Variants in KMT2C observed in about 807,000 individuals in gnomAD.
KMT2C encodes lysine methyltransferase 2C.
KMT2C carries 88 observed loss-of-function variants against 507.9 expected under a neutral mutation model. The ratio of observed to expected loss-of-function variants is 0.17; its 90% confidence interval spans 0.15 to 0.21. KMT2C has a LOEUF of 0.21. Among genes scored for constraint, KMT2C ranks in the 10% least tolerant of loss-of-function variants. The pLI is 1.00. For missense variants in KMT2C, 4,954 were observed against 5,957.8 expected (o/e 0.83, Z 5.55); for synonymous variants, 2,049 against 2,080.8 (o/e 0.98, Z 0.42).
intron 2 of KMT2C, among the ~76,000 whole-genome samples, chr7:152,352,175 G>GA (rs1226684469): frequency 4.0e-4 from 59 of 147,926 alleles, no homozygotes; most frequent in Admixed American, 9.4e-4. Flanking sequence ...TTTTATGGTC[G>GA]AGCTGTAGGG....
rs1588561522 is a variant in KMT2C, at chr7:152,247,770, A to T, written c.2532+132T>A. 3.9e-6 allele frequency: 3 copies of T among 761,704 alleles called. No homozygotes were observed. The East Asian group carries it at 7.8e-5, about 20-fold the overall frequency. The allele number at this position is 761,704 out of a possible 1,614,324, so 47.2% of individuals were successfully genotyped here. On this transcript the variant is annotated intron_variant, in intron 14 of 58. Transcript: ENST00000262189. ...TTAAAAAATAATGGCTGAAACACAT[A>T]ATCAACATTACACTGAAGTTCTATC...
chr7:152,141,101 A>ATGG (rs1029925680), intron 55 of KMT2C, among the ~76,000 whole-genome samples: 3 of 148,028 alleles, frequency 2.0e-5, no homozygotes, highest in South Asian at 2.1e-4. Flanking sequence ...TTAGCTGGGC[A>ATGG]TGGTGGCGTG....
intron 31 of KMT2C, among the ~76,000 whole-genome samples, chr7:152,190,500 A>C (rs2093760196): frequency 6.6e-6 from 1 of 152,202 alleles, no homozygotes; most frequent in Non-Finnish European, 1.5e-5. Context: ...AGCTCCATTT[A>C]AGCAAAGAGG....
intron 3 of KMT2C, among the ~76,000 whole-genome samples, chr7:152,317,096 C>A (rs1335750051): frequency 6.6e-6 from 1 of 152,066 alleles, no homozygotes; most frequent in Non-Finnish European, 1.5e-5. Flanking sequence ...TATTTTAAAG[C>A]TATTGCAGAA....
chr7:152,371,197 CA>C (rs1216366057), intron 1 of KMT2C, among the ~76,000 whole-genome samples: 2 of 152,080 alleles, frequency 1.3e-5, no homozygotes, highest in Non-Finnish European at 2.9e-5. Context: ...ATACATACAA[CA>C]ATTTGGTAAT....
chr7:152,142,861 C>T (rs1481189400), intron 55 of KMT2C, among the ~76,000 whole-genome samples: 1 of 152,078 alleles, frequency 6.6e-6, no homozygotes, highest in Non-Finnish European at 1.5e-5. Context: ...TATATATGTA[C>T]ATAAAAGTGT....
chr7:152,139,095 G>GT, intron 57 of KMT2C, 91 bp downstream of exon 57: 1 of 1,268,564 alleles, frequency 7.9e-7, no homozygotes, highest in Non-Finnish European at 1.1e-6. Flanking sequence ...CCAGGCTGCC[G>GT]TGAGAGCCTT....
rs1244879764 is a variant in KMT2C at position 152,251,837 on chromosome 7, A to C, written c.1621+102T>G. The C allele has an allele frequency of 1.2e-5, 8 of 694,810 alleles. No individual in the cohort carries two copies. The East Asian group carries it at 2.1e-4, about 18-fold the overall frequency. 43.0% of individuals were successfully genotyped at this position (694,810 alleles called of 1,614,324 possible). On this transcript the variant is annotated intron_variant, in intron 11 of 58. Transcript: ENST00000262189. ...AAACTGAGAACAAGATGGAATCTGG[A>C]ATACAGGATCCTCTCTTCCTGATTA...
At chr7:152,435,555 G>C (rs986372884) in intron 1 of KMT2C, 71 bp downstream of exon 1, 1 of 982,274 alleles carries the variant, frequency 1.0e-6, no homozygotes, top group Non-Finnish European at 1.3e-6. Flanking sequence ...GCCGCGGGGC[G>C]GGCGCCCGGT....
rs1430490804 is a variant in KMT2C, at chr7:152,136,819, C to G, written c.*13G>C. The G allele has an allele frequency of 1.3e-6, 2 of 1,599,012 alleles. No individual in the cohort carries two copies. Among genetic ancestry groups the G allele is most frequent in the Non-Finnish European group, 1.7e-6 (2 of 1,166,712 alleles). ...AGGGACAAGCCGCCCGCTGAGCTAG[C>G]AAGGAATGCATTTCAGTTCATCCAC... On this transcript the variant is annotated 3_prime_UTR_variant, in exon 59 of 59. Transcript: ENST00000262189.
intron 3 of KMT2C, among the ~76,000 whole-genome samples, chr7:152,318,010 C>T (rs964455609): frequency 7.2e-5 from 11 of 151,828 alleles, no homozygotes; most frequent in Admixed American, 2.6e-4. Flanking sequence ...TGGTGGCAGG[C>T]GCCCGTAATC....
At chr7:152,289,622 T>C (rs2096372255) in intron 6 of KMT2C, among the ~76,000 whole-genome samples, 1 of 152,200 alleles carries the variant, frequency 6.6e-6, no homozygotes. Flanking sequence ...GCCTGTCACT[T>C]CAAGGAAAAC....
intron 1 of KMT2C, 58 bp from the exon 2 acceptor site, chr7:152,358,733 T>G: frequency 1.8e-6 from 2 of 1,109,490 alleles, no homozygotes; most frequent in Non-Finnish European, 2.7e-6. Flanking sequence ...TTTTAAGGCT[T>G]AGACTTATAT....
At chr7:152,154,929 C>T (rs1563169343) in intron 46 of KMT2C, 2 of 152,852 alleles carry the variant, frequency 1.3e-5, no homozygotes, top group Non-Finnish European at 2.9e-5. Flanking sequence ...AAACAGCTGT[C>T]CTACTGCTGC....
Position 152,180,802 on chromosome 7 carries a change from G to A in KMT2C, c.7058C>T (p.Ser2353Phe), listed in dbSNP as rs375772772. The A allele has an allele frequency of 2.7e-5, 44 of 1,614,046 alleles. No individual in the cohort carries two copies. Among genetic ancestry groups the A allele is most frequent in the Non-Finnish European group, 3.6e-5 (43 of 1,180,026 alleles). Reference sequence around the variant, plus strand: ...AGTTGGCACAGGTCCAGGAAGTTGGGAGACACCAGAGAACTGCTGGCCTTG... The same window carrying A: ...AGTTGGCACAGGTCCAGGAAGTTGGAAGACACCAGAGAACTGCTGGCCTTG... ...HSQGQQFSGV[S>F]QLPGPVPTSG... is the part of the protein sequence containing the mutation. The change falls in exon 36 of 59, where the codon TCC becomes TTC. Residue 2353 changes from serine (S) to phenylalanine (F), a missense_variant. Around this residue, in one of 29 missense-constraint regions of KMT2C, gnomAD observed 1,689 missense variants for 1,654.3 expected, o/e 1.02. Coordinates refer to ENST00000262189, the MANE Select transcript of KMT2C (RefSeq NM_170606.3).
chr7:152,165,684 TTTTTG>T (rs1437391956), intron 42 of KMT2C, among the ~76,000 whole-genome samples: 4 of 152,198 alleles, frequency 2.6e-5, no homozygotes, highest in Middle Eastern at 3.4e-3. Context: ...TTTGGGATTT[TTTTTG>T]TTTTGTTTTG....
intron 6 of KMT2C, among the ~76,000 whole-genome samples, chr7:152,301,610 CT>C (rs1483295733): frequency 1.3e-5 from 2 of 152,112 alleles, no homozygotes; most frequent in African/African-American, 2.4e-5. Flanking sequence ...CTGCTTGAGC[CT>C]AAGAAGTCAA....
chr7:152,153,340 A>G (rs957313371), intron 48 of KMT2C, among the ~76,000 whole-genome samples: 1 of 152,202 alleles, frequency 6.6e-6, no homozygotes, highest in Non-Finnish European at 1.5e-5. Context: ...CTACTGCTGT[A>G]TTTTGTTGAT....
At chr7:152,367,786 C>T in intron 1 of KMT2C, 1 of 964,758 alleles carries the variant, frequency 1.0e-6, no homozygotes, top group East Asian at 2.4e-5. Context: ...AATGCAGAAT[C>T]ACGAGTGAAC....
Sources: gnomAD v4.1 joint callset for allele counts (sites outside exome capture counted in the v4.1 genomes callset) on GRCh38, gnomAD v4.1.1 for gene constraint, gnomAD v4.1.1 regional missense constraint, MANE v1.5 for transcripts, NCBI Gene and HGNC (gene_info 2026-07-23, HGNC 2026-07-21) for gene names.